The following PLS3 variants were observed in gnomAD, a reference collection of about 807,000 sequenced individuals.
PLS3 encodes plastin-3.
In PLS3, 11 loss-of-function variants were observed where a neutral mutation model predicts 46.5. The observed-to-expected ratio is 0.24, with a 90% CI of 0.15 to 0.39. PLS3 has a LOEUF of 0.39. PLS3 is among the 10% of genes least tolerant of loss of function. PLS3 has a pLI of 1.00. For synonymous variants in PLS3, 167 were observed against 162.2 expected, an observed-to-expected ratio of 1.03 and a Z score of -0.22; for missense variants, 308 against 461.8, an observed-to-expected ratio of 0.67 and a Z score of 3.05.
intron 1 of PLS3, among the ~76,000 whole-genome samples, chrX:115,589,246 A>G (rs782731482): frequency 8.9e-6 from 1 of 111,883 alleles, no homozygotes; most frequent in South Asian, 3.8e-4. Flanking sequence ...TGCTGGGATT[A>G]CAAGCACCAG....
intron 1 of PLS3, among the ~76,000 whole-genome samples, chrX:115,575,445 G>GT (rs782406221): frequency 0.067 from 7,380 of 110,945 alleles, 623 homozygotes; most frequent in African/African-American, 0.23. Flanking sequence ...AAGTTTTTTT[G>GT]TTATTTTTTG....
At chrX:115,575,484 C>A (rs2074242282) in intron 1 of PLS3, among the ~76,000 whole-genome samples, 1 of 112,030 alleles carries the variant, frequency 8.9e-6, no homozygotes, top group South Asian at 3.7e-4. Context: ...GGCTCTGCTG[C>A]CCAGGCTGGA....
chrX:115,646,440 T>G lies in PLS3; in HGVS notation c.1416T>G (p.His472Gln). The G allele has an allele frequency of 1.7e-6, 2 of 1,209,425 alleles. No individual in the cohort carries two copies. Among genetic ancestry groups the G allele is most frequent in the Non-Finnish European group, 2.2e-6 (2 of 893,370 alleles). The stretch of plus-strand genomic sequence containing the variant: ...ACTATGCTGTTGAATTAGGGAAGCA[T>G]CCTGCTAAATTCTCCCTGGTTGGCA... ...NCNYAVELGKHPAKFSLVGIG... is the reference protein window; with the variant it reads ...NCNYAVELGKQPAKFSLVGIG... Residue 472 changes from histidine to glutamine, a missense_variant, in exon 13 of 16, where the codon CAT becomes CAG. By Grantham distance (24) the His-to-Gln change is conservative (BLOSUM62 0). Around this residue, in one of 2 missense-constraint regions of PLS3, gnomAD observed 271 missense variants for 435.7 expected, o/e 0.62. Coordinates refer to ENST00000355899, the MANE Select transcript of PLS3 (RefSeq NM_005032.7).
At chrX:115,639,713 A>G (rs781872762) in intron 8 of PLS3, 3 of 337,430 alleles carry the variant, frequency 8.9e-6, no homozygotes, top group Admixed American at 3.1e-5. Context: ...TGCAAGTACA[A>G]TAGTTTTCAA....
intron 5 of PLS3, among the ~76,000 whole-genome samples, chrX:115,630,623 T>C (rs1429929553): frequency 9.5e-6 from 1 of 105,213 alleles, no homozygotes; most frequent in Non-Finnish European, 1.9e-5. Context: ...TTAAGTAAAT[T>C]ACTACATACA....
intron 5 of PLS3, among the ~76,000 whole-genome samples, chrX:115,631,272 T>C (rs1425863965): frequency 8.3e-5 from 9 of 108,529 alleles, no homozygotes; most frequent in Non-Finnish European, 1.3e-4. Context: ...GGTTTCTCCA[T>C]GTTGGTCAGG....
At chrX:115,575,712 G>A (rs1477295887) in intron 1 of PLS3, among the ~76,000 whole-genome samples, 2 of 111,594 alleles carry the variant, frequency 1.8e-5, no homozygotes, top group East Asian at 5.6e-4. Flanking sequence ...CAAAGTACTG[G>A]GATTACAGGC....
rs782292194 is a variant in PLS3, at chrX:115,633,993, G to A, written c.501-7G>A. On this transcript the variant is annotated splice_region_variant and splice_polypyrimidine_tract_variant and intron_variant, in intron 5 of 15. Coordinates refer to ENST00000355899, the MANE Select transcript of PLS3 (RefSeq NM_005032.7). ...TACATCAGCCTTTTTTTAAATTTTT[G>A]TTTCAGTAAAATGATTAACCTTTCA... 6 of 1,031,051 alleles carry A rather than the reference G, an allele frequency of 5.8e-6. No individual in the cohort carries two copies. The highest frequency in any genetic ancestry group is 8.1e-6 in the Non-Finnish European group (6 of 744,293). The allele number at this position is 1,031,051 out of a possible 1,213,427, so 85.0% of individuals were successfully genotyped here. A position where few individuals can be genotyped will look rare whatever the true frequency, so the allele number is the denominator to read the frequency against.
At chrX:115,647,277 T>TA (rs11339296) in intron 13 of PLS3, among the ~76,000 whole-genome samples, 5 of 108,761 alleles carry the variant, frequency 4.6e-5, no homozygotes. Flanking sequence ...ACTAAAAATA[T>TA]AAAAAATTAG....
chrX:115,630,063 G>A (rs2074749252), intron 5 of PLS3, 96 bp downstream of exon 5: 2 of 563,241 alleles, frequency 3.6e-6, no homozygotes, highest in East Asian at 7.4e-5. Context: ...TTCACCTCAA[G>A]AAATAACTAG....
intron 2 of PLS3, chrX:115,614,131 A>T (rs2074573779): frequency 2.6e-5 from 3 of 116,861 alleles, no homozygotes; most frequent in South Asian, 3.3e-4. Flanking sequence ...CGCCCGGCTA[A>T]TTTTTTTTTT....
chrX:115,606,992 C>T (rs1556635414), intron 1 of PLS3, among the ~76,000 whole-genome samples: 1 of 110,537 alleles, frequency 9.0e-6, no homozygotes, highest in Non-Finnish European at 1.9e-5. Context: ...GTGGCTCATA[C>T]CTGTAATACC....
At chrX:115,580,206 G>A (rs956900856) in intron 1 of PLS3, among the ~76,000 whole-genome samples, 1 of 111,921 alleles carries the variant, frequency 8.9e-6, no homozygotes, top group Non-Finnish European at 1.9e-5. Context: ...TATTTGGTGA[G>A]GCCCACTTTA....
chrX:115,647,410 G>T, intron 13 of PLS3, 140 bp from the exon 14 acceptor site: 1 of 568,174 alleles, frequency 1.8e-6, no homozygotes, highest in Admixed American at 3.6e-5. Flanking sequence ...CTCCAGCCTG[G>T]GCGACAGAGC....
rs2074918636 is a variant in PLS3 at position 115,643,458 on chromosome X, C to T, written c.1133C>T (p.Pro378Leu). The change falls in exon 10 of 16, where the codon CCA (proline) becomes CTA (leucine). Residue 378 changes from proline to leucine, a missense_variant. Physicochemically the swap from Pro to Leu is moderately conservative, Grantham distance 98 (BLOSUM62 -3). Coordinates refer to ENST00000355899, the MANE Select transcript of PLS3 (RefSeq NM_005032.7). The stretch of plus-strand genomic sequence containing the variant: ...GTGGCTAACCTGTTTAATAAATACC[C>T]AGCACTAACTAAGCCAGAGAACCAG... Reference protein sequence around the residue: ...AFVANLFNKYPALTKPENQDI... With the variant: ...AFVANLFNKYLALTKPENQDI... The T allele has an allele frequency of 1.7e-6, 2 of 1,204,895 alleles. No homozygotes were observed. The highest frequency in any genetic ancestry group is 2.2e-6 in the Non-Finnish European group (2 of 889,496).
chrX:115,591,096 G>A (rs1413566834), intron 1 of PLS3, among the ~76,000 whole-genome samples: 3 of 109,410 alleles, frequency 2.7e-5, no homozygotes, highest in East Asian at 5.9e-4. Context: ...CCACGATCCC[G>A]CCACTACACT....
At chrX:115,601,538 C>T (rs2074443971) in intron 1 of PLS3, among the ~76,000 whole-genome samples, 1 of 107,785 alleles carries the variant, frequency 9.3e-6, no homozygotes, top group Non-Finnish European at 1.9e-5. Flanking sequence ...ATGTAGATGA[C>T]GAGTTAATGG....
At chrX:115,623,310 G>C (rs1366462555) in intron 3 of PLS3, among the ~76,000 whole-genome samples, 1 of 111,147 alleles carries the variant, frequency 9.0e-6, no homozygotes, top group Non-Finnish European at 1.9e-5. Context: ...GGGCAAGTTA[G>C]GGAGAACTTG....
intron 1 of PLS3, among the ~76,000 whole-genome samples, chrX:115,591,319 C>A (rs782373238): frequency 8.9e-6 from 1 of 111,976 alleles, no homozygotes; most frequent in South Asian, 3.7e-4. Context: ...GTTGACAGAT[C>A]ATGCTGATCG....
Sources: gnomAD v4.1 joint callset for allele counts (sites outside exome capture counted in the v4.1 genomes callset) on GRCh38, gnomAD v4.1.1 for gene constraint, gnomAD v4.1.1 regional missense constraint, MANE v1.5 for transcripts, NCBI Gene and HGNC (gene_info 2026-07-23, HGNC 2026-07-21) for gene names.